CHRM4: variants seen among roughly 807,000 people sequenced by gnomAD.
The protein encoded by CHRM4 is cholinergic receptor muscarinic 4.
CHRM4 carries 5 observed loss-of-function variants against 26.3 expected under a neutral mutation model. The observed-to-expected ratio is 0.19, with a 90% confidence interval of 0.10 to 0.40. The LOEUF (loss-of-function observed/expected upper bound fraction) is 0.40. Among genes scored for constraint, CHRM4 ranks in the 10% least tolerant of loss-of-function variants. The probability of loss-of-function intolerance (pLI) is 1.00; values close to 1 mark genes in which losing one functional copy is unlikely to be tolerated. For synonymous variants in CHRM4, 290 were observed against 285.3 expected (o/e 1.02, Z -0.16); for missense variants, 402 against 664.5 (o/e 0.60, Z 4.34).
At chr11:46,390,319 A>G (rs1945380169) in intron 1 of CHRM4, among the ~76,000 whole-genome samples, 1 of 152,174 alleles carries the variant, frequency 6.6e-6, no homozygotes, top group African/African-American at 2.4e-5. Flanking sequence ...CCAAGTCCTT[A>G]AAGATGTGGC....
rs975491200 is a variant in CHRM4, at chr11:46,385,096, C to A, written c.*22G>T. 3 of 1,578,110 alleles carry A rather than the reference C, an allele frequency of 1.9e-6. No homozygotes were observed. The highest frequency in any genetic ancestry group is 1.1e-5 in the South Asian group (1 of 87,540). On this transcript the variant is annotated 3_prime_UTR_variant, in exon 2 of 2. Transcript: ENST00000682254. This position sits in a 1 kb window ranked among gnomAD's most constrained non-coding sequence, Gnocchi z 6.3. ...CAGCACACGCACGCAACACCAGCAC[C>A]TCCTAGGGCACTCCTGCCTGCCTAC...
intron 1 of CHRM4, among the ~76,000 whole-genome samples, chr11:46,390,720 G>T (rs1262632503): frequency 6.6e-6 from 1 of 152,272 alleles, no homozygotes; most frequent in African/African-American, 2.4e-5. Flanking sequence ...CTGGCTCTCG[G>T]GTGCCCCGCC....
chr11:46,385,410 T>C lies in CHRM4; in HGVS notation c.1148A>G (p.Asn383Ser). 6.2e-7 allele frequency: 1 copy of C among 1,610,226 alleles called. No homozygotes were observed. The highest frequency in any genetic ancestry group is 8.5e-7 in the Non-Finnish European group (1 of 1,176,936). The change falls in exon 2 of 2, where the codon AAC becomes AGC. Residue 383 changes from asparagine to serine, a missense_variant. By Grantham distance (46) the Asn-to-Ser change is conservative (BLOSUM62 1). Around this residue, in one of 5 missense-constraint regions of CHRM4, gnomAD observed 205 missense variants for 244.0 expected, o/e 0.84. Coordinates refer to ENST00000682254, the MANE Select transcript of CHRM4 (RefSeq NM_000741.5). The surrounding 1 kb of genome is among the most constrained non-coding windows in gnomAD (Gnocchi z 6.3). ...CATCTGCCGCTTCTTGCGCACCTGG[T>C]TGCGAGCGATGCTGGCGAACTTGCG... The part of the protein sequence containing the change: ...VARKFASIAR[N>S]QVRKKRQMAA...
In CHRM4 at chr11:46,385,413, C is replaced by T. The variant is rs1423637928; in HGVS notation, c.1145G>A (p.Arg382His). Residue 382 changes from arginine (R) to histidine (H), a missense_variant, in exon 2 of 2, where the codon CGC (arginine) becomes CAC (histidine). This residue lies in a region of CHRM4 where 205 missense variants were observed against 244.0 expected (regional missense o/e 0.84). Coordinates refer to ENST00000682254, the MANE Select transcript of CHRM4 (RefSeq NM_000741.5). This position sits in a 1 kb window ranked among gnomAD's most constrained non-coding sequence, Gnocchi z 6.3. ...NVARKFASIA[R>H]NQVRKKRQMA... ...CTGCCGCTTCTTGCGCACCTGGTTG[C>T]GAGCGATGCTGGCGAACTTGCGGGC... The T allele has an allele frequency of 1.4e-5, 23 of 1,609,794 alleles. No individual in the cohort carries two copies. Among genetic ancestry groups the T allele is most frequent in the Non-Finnish European group, 1.7e-5 (20 of 1,176,588 alleles).
chr11:46,386,469 A>C lies in CHRM4; in HGVS notation c.89T>G (p.Val30Gly). 2 of 1,613,688 alleles carry C rather than the reference A, an allele frequency of 1.2e-6. No homozygotes were observed. Among genetic ancestry groups the C allele is most frequent in the Non-Finnish European group, 1.7e-6 (2 of 1,179,864 alleles). The change falls in exon 2 of 2, where the codon GTG (valine) becomes GGG (glycine). Residue 30 changes from valine to glycine, a missense_variant. Physicochemically the swap from Val to Gly is moderately radical, Grantham distance 109. Coordinates refer to ENST00000682254, the MANE Select transcript of CHRM4 (RefSeq NM_000741.5). This position sits in a 1 kb window ranked among gnomAD's most constrained non-coding sequence, Gnocchi z 5.8. ...CACTGTGGCAATGAAGACCATTTCC[A>C]CCGTCTCATAGCGATTGTGGGATGA... ...TSSSHNRYET[V>G]EMVFIATVTG...
Position 46,385,742 on chromosome 11 carries a change from C to G in CHRM4, c.816G>C (p.Leu272=), listed in dbSNP as rs1945332113. 1 of 1,590,062 alleles carries G rather than the reference C, an allele frequency of 6.3e-7. No individual in the cohort carries two copies. Among genetic ancestry groups the G allele is most frequent in the African/African-American group, 1.4e-5 (1 of 74,060 alleles). ...GCAGCGCTGGCGGGGGGGCCTCCTC[C>G]AGCTTGCCATTGCGCAGCTCCTCCC... ...AAREELRNGK[L]EEAPPPALPP... is the part of the protein sequence containing the mutation. Residue 272 remains leucine, a synonymous_variant, in exon 2 of 2, where the codon CTG becomes CTC. Coordinates refer to ENST00000682254, the MANE Select transcript of CHRM4 (RefSeq NM_000741.5). The surrounding 1 kb of genome is among the most constrained non-coding windows in gnomAD (Gnocchi z 6.3).
At position 46,391,074 on chromosome 11, in the gene CHRM4, G is replaced by A. The variant is rs1026179063; in HGVS notation, c.-30+457C>T. 1.3e-5 allele frequency among the ~76,000 whole-genome samples: 2 copies of A among 151,544 alleles called. No homozygotes were observed. Among genetic ancestry groups the A allele is most frequent in the African/African-American group, 4.8e-5 (2 of 41,384 alleles). ...CCGGCTTGGAGGCTGGGCAGCAAAG[G>A]GGGGTAGTACCGGAGCGGGGGAGGG... On this transcript the variant is annotated intron_variant, in intron 1 of 1. Coordinates refer to ENST00000682254, the MANE Select transcript of CHRM4 (RefSeq NM_000741.5). The surrounding 1 kb of genome is among the most constrained non-coding windows in gnomAD (Gnocchi z 6.3).
chr11:46,386,528 G>A lies in CHRM4; in HGVS notation c.30C>T (p.Ser10=), dbSNP rs200113842. ...CCAGGCGCACGGACTGATTGCCCGA[G>A]CTGCCATTGACAGGTGTGAAGTTGG... MANFTPVNG[S]SGNQSVRLVT... The change falls in exon 2 of 2, where the codon AGC becomes AGT. Residue 10 remains serine, a synonymous_variant. Transcript: ENST00000682254. The surrounding 1 kb of genome is among the most constrained non-coding windows in gnomAD (Gnocchi z 5.8). 1.2e-6 allele frequency: 2 copies of A among 1,612,470 alleles called. No individual in the cohort carries two copies. The highest frequency in any genetic ancestry group is 1.3e-5 in the African/African-American group (1 of 74,890).
chr11:46,385,567 G>C lies in CHRM4; in HGVS notation c.991C>G (p.Arg331Gly), dbSNP rs200850651. Residue 331 changes from arginine to glycine, a missense_variant, in exon 2 of 2, where the codon CGG (arginine) becomes GGG (glycine). Physicochemically the swap from Arg to Gly is moderately radical, Grantham distance 125. This residue lies in a region of CHRM4 where 205 missense variants were observed against 244.0 expected (regional missense o/e 0.84). Transcript: ENST00000682254. This position sits in a 1 kb window ranked among gnomAD's most constrained non-coding sequence, Gnocchi z 6.3. The part of the protein sequence containing the change: ...PAMPAPPLQP[R>G]ALNPASRWSK... ...CATCTGGAGGCTGGGTTGAGGGCCC[G>C]CGGCTGCAGGGGAGGGGCGGGCATG... 2 of 1,561,928 alleles carry C rather than the reference G, an allele frequency of 1.3e-6. No individual in the cohort carries two copies. Among genetic ancestry groups the C allele is most frequent in the Non-Finnish European group, 1.7e-6 (2 of 1,148,808 alleles).
At position 46,385,186 on chromosome 11, in the gene CHRM4, C is replaced by T; in HGVS notation, c.1372G>A (p.Ala458Thr). The T allele has an allele frequency of 1.2e-6, 2 of 1,614,044 alleles. No homozygotes were observed. The highest frequency in any genetic ancestry group is 1.7e-6 in the Non-Finnish European group (2 of 1,179,986). The change falls in exon 2 of 2, where the codon GCC becomes ACC. Residue 458 changes from alanine to threonine, a missense_variant. Around this residue, in one of 5 missense-constraint regions of CHRM4, gnomAD observed 55 missense variants for 126.4 expected, o/e 0.44. Transcript: ENST00000682254. The surrounding 1 kb of genome is among the most constrained non-coding windows in gnomAD (Gnocchi z 6.3). ...INPACYALCN[A>T]TFKKTFRHLL... ...TGCCGGAAGGTCTTTTTAAAGGTGG[C>T]GTTGCACAGAGCATAGCAGGCAGGG...
Position 46,385,420 on chromosome 11 carries a change from T to C in CHRM4, c.1138A>G (p.Ile380Val). Residue 380 changes from isoleucine (I) to valine (V), a missense_variant, in exon 2 of 2, where the codon ATC becomes GTC. Physicochemically the swap from Ile to Val is conservative, Grantham distance 29. Transcript: ENST00000682254. This position sits in a 1 kb window ranked among gnomAD's most constrained non-coding sequence, Gnocchi z 6.3. ...TTCTTGCGCACCTGGTTGCGAGCGA[T>C]GCTGGCGAACTTGCGGGCCACGTTG... ...AANVARKFASIARNQVRKKRQ... is the reference protein window; with the variant it reads ...AANVARKFASVARNQVRKKRQ... 2 of 1,609,206 alleles carry C rather than the reference T, an allele frequency of 1.2e-6. No homozygotes were observed. The highest frequency in any genetic ancestry group is 1.7e-6 in the Non-Finnish European group (2 of 1,176,094).
Position 46,387,016 on chromosome 11 carries a change from G to A in CHRM4, c.-29-430C>T, listed in dbSNP as rs574868858. ...GGCCCTGCCAGGGGCAGTAGCCACA[G>A]CAAAGGCCTGGAGGCAGCGCAAGGC... On this transcript the variant is annotated intron_variant, in intron 1 of 1. Coordinates refer to ENST00000682254, the MANE Select transcript of CHRM4 (RefSeq NM_000741.5). Among the ~76,000 whole-genome samples the A allele has an allele frequency of 1.0e-4, 15 of 143,498 alleles. No homozygotes were observed. The South Asian group carries it at 3.2e-3, about 31-fold the overall frequency. The allele number at this position is 143,498 out of a possible 152,430, so 94.1% of individuals were successfully genotyped here. A position where few individuals can be genotyped will look rare whatever the true frequency, so the allele number is the denominator to read the frequency against.
Position 46,383,796 on chromosome 11 carries a change from C to A in CHRM4, c.*1322G>T, listed in dbSNP as rs920362905. Reference sequence around the variant, plus strand: ...CACATCAAATAAACTGACTTTTTCCCCCCAATAAAAGCTCTTCTTTTTTAA... The same window carrying A: ...CACATCAAATAAACTGACTTTTTCCACCCAATAAAAGCTCTTCTTTTTTAA... On this transcript the variant is annotated 3_prime_UTR_variant, in exon 2 of 2. Transcript: ENST00000682254. 6 of 476,670 alleles carry A rather than the reference C, an allele frequency of 1.3e-5. No individual in the cohort carries two copies. Among genetic ancestry groups the A allele is most frequent in the African/African-American group, 2.0e-5 (1 of 50,770 alleles). 29.5% of individuals were successfully genotyped at this position (476,670 alleles called of 1,614,324 possible). A position where few individuals can be genotyped will look rare whatever the true frequency, so the allele number is the denominator to read the frequency against.
chr11:46,389,870 C>A (rs1011337786), intron 1 of CHRM4, among the ~76,000 whole-genome samples: 1 of 152,176 alleles, frequency 6.6e-6, no homozygotes, highest in Non-Finnish European at 1.5e-5. Context: ...TACGGGGGAG[C>A]GCGAGTAGAC....
intron 1 of CHRM4, among the ~76,000 whole-genome samples, chr11:46,388,382 C>T (rs1011253613): frequency 6.6e-6 from 1 of 152,230 alleles, no homozygotes; most frequent in Non-Finnish European, 1.5e-5. Context: ...GACATCCTCC[C>T]CAGCAGCTAT....
rs976018276 is a variant in CHRM4 at position 46,384,875 on chromosome 11, C to T, written c.*243G>A. Reference sequence around the variant, plus strand: ...CCACCCAGGCCAGTGCCCCGCAGCTCGCTGAAGCAGGGCCACAGAGGTGGG... The same window carrying T: ...CCACCCAGGCCAGTGCCCCGCAGCTTGCTGAAGCAGGGCCACAGAGGTGGG... On this transcript the variant is annotated 3_prime_UTR_variant, in exon 2 of 2. Coordinates refer to ENST00000682254, the MANE Select transcript of CHRM4 (RefSeq NM_000741.5). Among the ~76,000 whole-genome samples, 1 of 152,248 alleles carries T rather than the reference C, an allele frequency of 6.6e-6. No individual in the cohort carries two copies.
Position 46,385,207 on chromosome 11 carries a change from C to G in CHRM4, c.1351G>C (p.Ala451Pro). The G allele has an allele frequency of 6.2e-7, 1 of 1,614,062 alleles. No homozygotes were observed. The highest frequency in any genetic ancestry group is 8.5e-7 in the Non-Finnish European group (1 of 1,179,988). The change falls in exon 2 of 2, where the codon GCC becomes CCC. Residue 451 changes from alanine (A) to proline (P), a missense_variant. By Grantham distance (27) the Ala-to-Pro change is conservative. Around this residue, in one of 5 missense-constraint regions of CHRM4, gnomAD observed 55 missense variants for 126.4 expected, o/e 0.44. Coordinates refer to ENST00000682254, the MANE Select transcript of CHRM4 (RefSeq NM_000741.5). This position sits in a 1 kb window ranked among gnomAD's most constrained non-coding sequence, Gnocchi z 6.3. Reference sequence around the variant, plus strand: ...GTGGCGTTGCACAGAGCATAGCAGGCAGGGTTGATGGTGCTGTTGACGTAG... The same window carrying G: ...GTGGCGTTGCACAGAGCATAGCAGGGAGGGTTGATGGTGCTGTTGACGTAG... ...LCYVNSTINPACYALCNATFK... is the reference protein window; with the variant it reads ...LCYVNSTINPPCYALCNATFK...
At position 46,383,898 on chromosome 11, in the gene CHRM4, T is replaced by C; in HGVS notation, c.*1220A>G. On this transcript the variant is annotated 3_prime_UTR_variant, in exon 2 of 2. Coordinates refer to ENST00000682254, the MANE Select transcript of CHRM4 (RefSeq NM_000741.5). ...GGGAAGGTGGGGAGAAAGACCAGGCTGTAGGGACTGGTGGGTTTCAGGGGG... is the reference window on the plus strand; with the variant it reads ...GGGAAGGTGGGGAGAAAGACCAGGCCGTAGGGACTGGTGGGTTTCAGGGGG... 1 of 343,884 alleles carries C rather than the reference T, an allele frequency of 2.9e-6. No homozygotes were observed. The highest frequency in any genetic ancestry group is 2.1e-5 in the African/African-American group (1 of 46,758). 21.3% of individuals were successfully genotyped at this position (343,884 alleles called of 1,614,324 possible).
Position 46,384,032 on chromosome 11 carries a change from G to T in CHRM4, c.*1086C>A, listed in dbSNP as rs1186296725. On this transcript the variant is annotated 3_prime_UTR_variant, in exon 2 of 2. Transcript: ENST00000682254. ...CCCATCAAGTCACCTAAGCCTTTCG[G>T]TCCTCATCTCCCTCAGGGACCAGGG... is the stretch of plus-strand genomic sequence containing the variant. 3.3e-5 allele frequency among the ~76,000 whole-genome samples: 5 copies of T among 152,178 alleles called. No individual in the cohort carries two copies. The East Asian group carries it at 5.8e-4, about 18-fold the overall frequency.
Sources: allele counts gnomAD v4.1 joint callset (sites outside exome capture counted in the v4.1 genomes callset), GRCh38; gene constraint gnomAD v4.1.1; regional missense constraint gnomAD v4.1.1; non-coding constraint Gnocchi (gnomAD v3.1); transcripts MANE v1.5; gene names NCBI Gene and HGNC (gene_info 2026-07-23, HGNC 2026-07-21).